Variants in CELF6 observed in about 807,000 individuals in gnomAD.
The protein encoded by CELF6 is Bruno -like 6, RNA binding protein.
CELF6 carries 32 observed loss-of-function variants against 53.1 expected under a neutral mutation model. The observed-to-expected ratio is 0.60, with a 90% CI of 0.46 to 0.81. CELF6 has a LOEUF of 0.81. Among genes scored for constraint, CELF6 ranks in the 30% least tolerant of loss-of-function variants. The pLI, the probability that CELF6 is intolerant of heterozygous loss-of-function variation, is 0.00. For synonymous variants in CELF6, 291 were observed against 288.8 expected (o/e 1.01, Z -0.08); for missense variants, 539 against 669.5 (o/e 0.81, Z 2.15).
chr15:72,294,793 C>T (rs980916585), intron 3 of CELF6, among the ~76,000 whole-genome samples: 11 of 151,228 alleles, frequency 7.3e-5, no homozygotes, highest in African/African-American at 2.7e-4. Context: ...GGCTGGCCAA[C>T]ATAGTGAAAC....
chr15:72,291,472 A>C (rs1274934081), intron 3 of CELF6, among the ~76,000 whole-genome samples: 1 of 152,212 alleles, frequency 6.6e-6, no homozygotes, highest in Admixed American at 6.5e-5. Flanking sequence ...CTTGGAGTGC[A>C]GGAAAACCCA....
At chr15:72,291,665 G>A (rs1453171627) in intron 3 of CELF6, among the ~76,000 whole-genome samples, 1 of 152,226 alleles carries the variant, frequency 6.6e-6, no homozygotes, top group African/African-American at 2.4e-5. Flanking sequence ...AAGACTATGT[G>A]TGTGTCCATA....
chr15:72,317,170 T>C (rs930757625), intron 1 of CELF6, among the ~76,000 whole-genome samples: 2 of 152,200 alleles, frequency 1.3e-5, no homozygotes, highest in Admixed American at 1.3e-4. Flanking sequence ...AGTTGGATTT[T>C]GAACTTTTTC....
At chr15:72,300,300 G>A (rs564927615) in intron 3 of CELF6, among the ~76,000 whole-genome samples, 1 of 151,510 alleles carries the variant, frequency 6.6e-6, no homozygotes, top group Non-Finnish European at 1.5e-5. Context: ...GTTCAAGGCT[G>A]CAGTGAGCTA....
At chr15:72,303,228 A>C (rs1181844517) in intron 3 of CELF6, among the ~76,000 whole-genome samples, 1 of 152,220 alleles carries the variant, frequency 6.6e-6, no homozygotes, top group Non-Finnish European at 1.5e-5. Context: ...CAAGAGGCAG[A>C]AATTCTTGGG....
chr15:72,294,716 G>A (rs964209713), intron 3 of CELF6, among the ~76,000 whole-genome samples: 1 of 152,308 alleles, frequency 6.6e-6, no homozygotes, highest in African/African-American at 2.4e-5. Flanking sequence ...GGTGGCTCAC[G>A]CCTATAATCC....
In CELF6 at chr15:72,302,717, C is replaced by G. The variant is rs186657353; in HGVS notation, c.394+2029G>C. Among the ~76,000 whole-genome samples the G allele has an allele frequency of 4.6e-4, 70 of 152,340 alleles. 1 individual carries two copies. The highest frequency in any genetic ancestry group is 3.4e-3 in the Middle Eastern group (1 of 294). The stretch of plus-strand genomic sequence containing the variant: ...TTGTGGACTTAGTTCCTGAGCAAGA[C>G]TCCAAATTGCACCACGTTCTTCTGA... On this transcript the variant is annotated intron_variant, in intron 3 of 12. Transcript: ENST00000287202.
Position 72,288,609 on chromosome 15 carries a change from G to T in CELF6, c.1103C>A (p.Pro368Gln). ...AGMHHYAAAYPSAYAPVSTAF... is the reference protein window; with the variant it reads ...AGMHHYAAAYQSAYAPVSTAF... ...TGTGCTCACTGGGGCATAGGCCGAC[G>T]GATAGGCTGCTGGAGACAGAGGTGG... is the stretch of plus-strand genomic sequence containing the variant. Residue 368 changes from proline to glutamine, a missense_variant, in exon 10 of 13, where the codon CCG (proline) becomes CAG (glutamine). By Grantham distance (76) the Pro-to-Gln change is moderately conservative. Coordinates refer to ENST00000287202, the MANE Select transcript of CELF6 (RefSeq NM_052840.5). This position sits in a 1 kb window ranked among gnomAD's most constrained non-coding sequence, Gnocchi z 4.6. 1 of 1,561,390 alleles carries T rather than the reference G, an allele frequency of 6.4e-7. No homozygotes were observed. Among genetic ancestry groups the T allele is most frequent in the Non-Finnish European group, 8.7e-7 (1 of 1,153,324 alleles).
rs768281082 is a variant in CELF6, at chr15:72,289,901, C to T, written c.603+38G>A. ...GGGGAGGAGAAGCCCGTCCCCACCC[C>T]ACTGGCCTCACCCTCAGCCCAGGGA... On this transcript the variant is annotated intron_variant, in intron 5 of 12. Transcript: ENST00000287202. This position sits in a 1 kb window ranked among gnomAD's most constrained non-coding sequence, Gnocchi z 7.6. The T allele has an allele frequency of 8.4e-6, 13 of 1,539,606 alleles. No individual in the cohort carries two copies. The highest frequency in any genetic ancestry group is 1.4e-5 in the African/African-American group (1 of 73,004).
chr15:72,315,762 G>C, intron 2 of CELF6, 83 bp downstream of exon 2: 1 of 905,618 alleles, frequency 1.1e-6, no homozygotes, highest in Non-Finnish European at 1.7e-6. Flanking sequence ...TCCCAACCCA[G>C]CCCCCACATG....
chr15:72,314,589 GTTTTTTTTTTTTT>G lies in CELF6; in HGVS notation c.345+1243_345+1255del, dbSNP rs984879836. 9.2e-4 allele frequency among the ~76,000 whole-genome samples: 90 copies of G among 97,846 alleles called. 1 individual carries two copies. Among genetic ancestry groups the G allele is most frequent in the African/African-American group, 3.8e-3 (79 of 20,714 alleles). 64.2% of individuals were successfully genotyped at this position (97,846 alleles called of 152,430 possible). A position where few individuals can be genotyped will look rare whatever the true frequency, so the allele number is the denominator to read the frequency against. On this transcript the variant is annotated intron_variant, in intron 2 of 12. Transcript: ENST00000287202. Reference sequence around the variant, plus strand: ...AGGTCTGTGAGACTCAAAACCCAGTGTTTTTTTTTTTTTTTTTTTTTTTGAGACTGAGTCTCAC... The same window carrying G: ...AGGTCTGTGAGACTCAAAACCCAGTGTTTTTTTTTTGAGACTGAGTCTCAC...
At chr15:72,296,084 T>C (rs557398389) in intron 3 of CELF6, among the ~76,000 whole-genome samples, 1 of 152,258 alleles carries the variant, frequency 6.6e-6, no homozygotes, top group South Asian at 2.1e-4. Context: ...CTCTTACATA[T>C]GGTCAAATGA....
intron 2 of CELF6, among the ~76,000 whole-genome samples, chr15:72,306,681 T>C (rs922584068): frequency 4.7e-5 from 7 of 149,642 alleles, no homozygotes; most frequent in South Asian, 2.1e-4. Context: ...AGGCTGTGGG[T>C]GGGGGCGGAG....
At chr15:72,302,668 C>T (rs1289340876) in intron 3 of CELF6, among the ~76,000 whole-genome samples, 1 of 152,180 alleles carries the variant, frequency 6.6e-6, no homozygotes, top group African/African-American at 2.4e-5. Context: ...GTAGTGGACT[C>T]CATACAGCAG....
At chr15:72,310,103 T>C (rs1391113299) in intron 2 of CELF6, among the ~76,000 whole-genome samples, 1 of 152,150 alleles carries the variant, frequency 6.6e-6, no homozygotes, top group African/African-American at 2.4e-5. Context: ...GGGCTCAGCA[T>C]TGCCCTTTTC....
chr15:72,318,612 C>G (rs1185483946), intron 1 of CELF6, among the ~76,000 whole-genome samples: 3 of 152,186 alleles, frequency 2.0e-5, no homozygotes, highest in Non-Finnish European at 2.9e-5. Flanking sequence ...AAACAAGCCT[C>G]CTCCCTCTCT....
chr15:72,306,682 G>A (rs967436758), intron 2 of CELF6, among the ~76,000 whole-genome samples: 4 of 152,014 alleles, frequency 2.6e-5, no homozygotes, highest in African/African-American at 7.3e-5. Context: ...GGCTGTGGGT[G>A]GGGGCGGAGA....
In CELF6 at chr15:72,304,708, C is replaced by T. The variant is rs777983369; in HGVS notation, c.394+38G>A. On this transcript the variant is annotated intron_variant, in intron 3 of 12. Transcript: ENST00000287202. Reference sequence around the variant, plus strand: ...AGGTGTGGGCCCACCCTCCCTTACACGGGTTGCAGCCTGAGGTTGGTCAGA... The same window carrying T: ...AGGTGTGGGCCCACCCTCCCTTACATGGGTTGCAGCCTGAGGTTGGTCAGA... 41 of 1,603,354 alleles carry T rather than the reference C, an allele frequency of 2.6e-5. No homozygotes were observed. In the Admixed American group the frequency reaches 2.8e-4, roughly 11 times the overall value.
intron 11 of CELF6, among the ~76,000 whole-genome samples, chr15:72,287,595 C>T (rs962467605): frequency 2.6e-5 from 4 of 152,204 alleles, no homozygotes; most frequent in Admixed American, 6.5e-5. Flanking sequence ...GGAAGCAACT[C>T]TGAGTGTGTG....
Sources: allele counts gnomAD v4.1 joint callset (sites outside exome capture counted in the v4.1 genomes callset), GRCh38; gene constraint gnomAD v4.1.1; non-coding constraint Gnocchi (gnomAD v3.1); transcripts MANE v1.5; gene names NCBI Gene and HGNC (gene_info 2026-07-23, HGNC 2026-07-21).